The following GLIS3 variants were observed in gnomAD, a reference collection of about 807,000 sequenced individuals.
GLIS3 encodes the protein zinc finger protein GLIS3.
A neutral mutation model predicts 78.6 loss-of-function variants in GLIS3; 53 were observed. That is an observed-to-expected ratio of 0.67 (90% confidence interval 0.54 to 0.85). The LOEUF is 0.85. GLIS3 is among the 40% of genes least tolerant of loss of function. GLIS3 has a pLI of 0.00. For missense variants in GLIS3, 1,703 were observed against 1,231.1 expected (o/e 1.38, Z -5.74); for synonymous variants, 684 against 509.9 (o/e 1.34, Z -4.60).
At chr9:4,453,478 T>G in the GLIS3 span, among the ~76,000 whole-genome samples, 1 of 151,444 alleles carries the variant, frequency 6.6e-6, no homozygotes, top group Non-Finnish European at 1.5e-5. Flanking sequence ...TTAAACAAAT[T>G]TACAAGAAAA....
At chr9:4,488,884 T>G in the GLIS3 span, among the ~76,000 whole-genome samples, 54 of 152,120 alleles carry the variant, frequency 3.5e-4, 1 homozygote, top group African/African-American at 1.3e-3. Flanking sequence ...TTTTTCTTTT[T>G]TTTTGACAGT....
At chr9:4,207,974 G>C (rs13289602) in intron 2 of GLIS3, among the ~76,000 whole-genome samples, 12,226 of 152,264 alleles carry the variant, frequency 0.08, 586 homozygotes, top group Non-Finnish European at 0.11. Flanking sequence ...GTTGGGGGTA[G>C]CGGTGTGCTT....
At chr9:3,849,725 T>C (rs1194104117) in intron 9 of GLIS3, among the ~76,000 whole-genome samples, 1 of 152,092 alleles carries the variant, frequency 6.6e-6, no homozygotes, top group African/African-American at 2.4e-5. Context: ...CTGGCCCACA[T>C]GGTGAAACCC....
chr9:4,206,684 T>G (rs891169159), intron 2 of GLIS3, among the ~76,000 whole-genome samples: 3 of 152,204 alleles, frequency 2.0e-5, no homozygotes, highest in Non-Finnish European at 4.4e-5. Flanking sequence ...GTGTGAACCA[T>G]CCATAAATGA....
At chr9:4,192,129 G>C (rs896798928) in intron 2 of GLIS3, among the ~76,000 whole-genome samples, 10 of 152,076 alleles carry the variant, frequency 6.6e-5, no homozygotes, top group African/African-American at 2.4e-4. Flanking sequence ...AAATAGTAAA[G>C]AATTGATGCT....
intron 4 of GLIS3, among the ~76,000 whole-genome samples, chr9:4,041,111 T>C (rs1186432232): frequency 1.3e-5 from 2 of 152,208 alleles, no homozygotes; most frequent in African/African-American, 4.8e-5. Flanking sequence ...ATTTTGGCCA[T>C]GTCCAGTAGT....
intron 2 of GLIS3, among the ~76,000 whole-genome samples, chr9:4,257,951 T>C (rs183056889): frequency 3.2e-4 from 49 of 152,320 alleles, no homozygotes; most frequent in African/African-American, 1.1e-3. Flanking sequence ...TACACATTTA[T>C]ATCTAATTTG....
At chr9:4,134,256 G>C (rs140261015) in intron 2 of GLIS3, among the ~76,000 whole-genome samples, 2 of 152,076 alleles carry the variant, frequency 1.3e-5, no homozygotes, top group African/African-American at 4.8e-5. Context: ...CAACTTTGAG[G>C]CTCAAAGTTT....
chr9:4,143,332 T>C (rs561211042), intron 2 of GLIS3, among the ~76,000 whole-genome samples: 1 of 152,126 alleles, frequency 6.6e-6, no homozygotes, highest in South Asian at 2.1e-4. Flanking sequence ...TTTGGGAGGC[T>C]GAGGCGGGCA....
chr9:4,073,301 C>A (rs1827772716), intron 4 of GLIS3, among the ~76,000 whole-genome samples: 2 of 152,212 alleles, frequency 1.3e-5, no homozygotes, highest in South Asian at 4.1e-4. Context: ...TCTCAAACCT[C>A]AGTGCACAAT....
At chr9:4,325,918 G>A (rs1161187853) in intron 2 of GLIS3, among the ~76,000 whole-genome samples, 2 of 152,138 alleles carry the variant, frequency 1.3e-5, no homozygotes, top group Non-Finnish European at 2.9e-5. Context: ...GGATCGAGCT[G>A]GAAGCCATTA....
At chr9:3,842,217 T>C (rs1274046907) in intron 9 of GLIS3, among the ~76,000 whole-genome samples, 1 of 152,154 alleles carries the variant, frequency 6.6e-6, no homozygotes, top group Non-Finnish European at 1.5e-5. Context: ...CTCACATCTG[T>C]AATCCCAGCA....
intron 2 of GLIS3, among the ~76,000 whole-genome samples, chr9:4,168,401 G>C (rs1209575122): frequency 1.3e-5 from 2 of 152,134 alleles, no homozygotes; most frequent in Non-Finnish European, 2.9e-5. Context: ...AATGGATAAT[G>C]ATCCAAAACA....
chr9:4,397,796 G>A, the GLIS3 span, among the ~76,000 whole-genome samples: 1 of 151,488 alleles, frequency 6.6e-6, no homozygotes, highest in African/African-American at 2.4e-5. Context: ...GAGGGGAGAG[G>A]AGGAAGGAAA....
chr9:4,363,681 C>T, the GLIS3 span, among the ~76,000 whole-genome samples: 1 of 152,176 alleles, frequency 6.6e-6, no homozygotes, highest in Non-Finnish European at 1.5e-5. Flanking sequence ...CAATTTTCAA[C>T]AGATAGGCAC....
At chr9:4,344,073 G>A (rs954744015) in intron 2 of GLIS3, among the ~76,000 whole-genome samples, 1 of 152,080 alleles carries the variant, frequency 6.6e-6, no homozygotes, top group African/African-American at 2.4e-5. Context: ...CTAAAACTCA[G>A]AAAGAAATAT....
intron 2 of GLIS3, among the ~76,000 whole-genome samples, chr9:4,182,894 A>AT (rs1428865148): frequency 6.6e-6 from 1 of 152,176 alleles, no homozygotes; most frequent in Admixed American, 6.5e-5. Context: ...AACAACTCCT[A>AT]GTTTACTAAT....
At chr9:3,976,879 A>G (rs1181122673) in intron 4 of GLIS3, among the ~76,000 whole-genome samples, 1 of 148,682 alleles carries the variant, frequency 6.7e-6, no homozygotes, top group Non-Finnish European at 1.5e-5. Flanking sequence ...GGAAAAAAAA[A>G]AAAGCTTCTG....
chr9:3,930,575 T>C (rs1588253315), intron 6 of GLIS3, among the ~76,000 whole-genome samples: 1 of 152,232 alleles, frequency 6.6e-6, no homozygotes, highest in Non-Finnish European at 1.5e-5. Flanking sequence ...AAACCATTAA[T>C]AATTCCTGAA....
Sources: allele counts gnomAD v4.1 joint callset (sites outside exome capture counted in the v4.1 genomes callset), GRCh38; gene constraint gnomAD v4.1.1; transcripts MANE v1.5; gene names NCBI Gene and HGNC (gene_info 2026-07-23, HGNC 2026-07-21).